The following RAB31 variants were observed in gnomAD, a reference collection of about 807,000 sequenced individuals.
The protein encoded by RAB31 is ras-related protein Rab-31.
In RAB31, 21 loss-of-function variants were observed where a neutral mutation model predicts 25.6. The ratio of observed to expected loss-of-function variants is 0.82; its 90% confidence interval spans 0.58 to 1.18. The LOEUF is 1.18. Among genes scored for constraint, RAB31 ranks in the 50% most tolerant of loss-of-function variants. The pLI, the probability that RAB31 is intolerant of heterozygous loss-of-function variation, is 0.00. For synonymous variants in RAB31, 87 were observed against 84.0 expected, an observed-to-expected ratio of 1.04 and a Z score of -0.20; for missense variants, 196 against 250.1, an observed-to-expected ratio of 0.78 and a Z score of 1.46.
chr18:9,816,305 A>G (rs2068598900), intron 5 of RAB31: 1 of 169,506 alleles, frequency 5.9e-6, no homozygotes. Flanking sequence ...GATCTGATGT[A>G]CCATACAATG....
intron 1 of RAB31, among the ~76,000 whole-genome samples, chr18:9,720,598 G>A (rs76184738): frequency 9.2e-4 from 140 of 152,190 alleles, no homozygotes; most frequent in African/African-American, 3.3e-3. Flanking sequence ...ACAGGGAGAA[G>A]GTTCCCCAAG....
At chr18:9,719,507 AGTTT>A (rs879247282) in intron 1 of RAB31, among the ~76,000 whole-genome samples, 2 of 151,212 alleles carry the variant, frequency 1.3e-5, no homozygotes, top group Admixed American at 6.6e-5. Flanking sequence ...TCTCCTCTTT[AGTTT>A]GTTTGTAATC....
intron 1 of RAB31, among the ~76,000 whole-genome samples, chr18:9,734,418 A>G (rs928992628): frequency 1.3e-5 from 2 of 152,222 alleles, no homozygotes; most frequent in Non-Finnish European, 2.9e-5. Flanking sequence ...GAACACGGAC[A>G]GGAAGCGTTA....
chr18:9,770,399 G>A (rs1288231532), intron 1 of RAB31, among the ~76,000 whole-genome samples: 1 of 152,204 alleles, frequency 6.6e-6, no homozygotes, highest in Admixed American at 6.5e-5. Flanking sequence ...CTAGCGTTTT[G>A]TGTGGCAGCA....
intron 3 of RAB31, among the ~76,000 whole-genome samples, chr18:9,801,356 A>G (rs1431153995): frequency 5.4e-5 from 8 of 149,508 alleles, no homozygotes; most frequent in Non-Finnish European, 5.9e-5. Context: ...ATCTTGGCTC[A>G]CTGCATCCTC....
At chr18:9,746,425 ATAC>A (rs997188161) in intron 1 of RAB31, among the ~76,000 whole-genome samples, 1 of 145,078 alleles carries the variant, frequency 6.9e-6, no homozygotes, top group African/African-American at 2.5e-5. Context: ...TGACTCTCAA[ATAC>A]ATACAGAATT....
At chr18:9,810,022 CAAAT>C (rs2068562727) in intron 3 of RAB31, among the ~76,000 whole-genome samples, 2 of 152,196 alleles carry the variant, frequency 1.3e-5, no homozygotes, top group African/African-American at 2.4e-5. Context: ...AATTAGAAAA[CAAAT>C]AATCACACAC....
intron 1 of RAB31, among the ~76,000 whole-genome samples, chr18:9,712,331 C>T (rs1053718369): frequency 9.2e-4 from 140 of 152,298 alleles, no homozygotes; most frequent in African/African-American, 3.3e-3. Context: ...GCCCAGCAAG[C>T]CTTTGTGAAC....
intron 1 of RAB31, among the ~76,000 whole-genome samples, chr18:9,731,767 T>C (rs1159011287): frequency 6.6e-6 from 1 of 152,046 alleles, no homozygotes; most frequent in East Asian, 1.9e-4. Flanking sequence ...AGCTGATTTT[T>C]GTATTTTTAG....
chr18:9,829,897 A>T (rs1002973295), intron 5 of RAB31, among the ~76,000 whole-genome samples: 3 of 152,126 alleles, frequency 2.0e-5, no homozygotes, highest in Admixed American at 1.3e-4. Flanking sequence ...GATTTAAAAA[A>T]ATATATACTT....
intron 2 of RAB31, among the ~76,000 whole-genome samples, chr18:9,782,132 A>G (rs990371345): frequency 1.3e-5 from 2 of 152,148 alleles, no homozygotes; most frequent in African/African-American, 4.8e-5. Flanking sequence ...CCCGCTAGGT[A>G]TTGTTACTAT....
chr18:9,794,209 G>A (rs2068475574), intron 3 of RAB31, among the ~76,000 whole-genome samples: 1 of 152,144 alleles, frequency 6.6e-6, no homozygotes, highest in Admixed American at 6.6e-5. Context: ...TTCAATTATT[G>A]ATCTGTTTAT....
rs954690295 is a variant in RAB31, at chr18:9,740,058, A to G, written c.39+31614A>G. ...ACCCTGGGGTGACGAGAGGAGCTCTATGATTCTAGTTAGACCAGCCTAATG... is the reference window on the plus strand; with the variant it reads ...ACCCTGGGGTGACGAGAGGAGCTCTGTGATTCTAGTTAGACCAGCCTAATG... On this transcript the variant is annotated intron_variant, in intron 1 of 6. Transcript: ENST00000578921. Among the ~76,000 whole-genome samples the G allele has an allele frequency of 3.2e-4, 49 of 152,222 alleles. 1 individual carries two copies. The highest frequency in any genetic ancestry group is 1.9e-4 in the African/African-American group (8 of 41,456).
At chr18:9,715,546 T>G (rs1405694351) in intron 1 of RAB31, among the ~76,000 whole-genome samples, 1 of 148,902 alleles carries the variant, frequency 6.7e-6, no homozygotes, top group Non-Finnish European at 1.5e-5. Flanking sequence ...TTTTTTTTTT[T>G]TGACATGGAG....
In RAB31 at chr18:9,775,312, G is replaced by A. The variant is rs775715224; in HGVS notation, c.74G>A (p.Arg25Gln). ...TGVGKSSIVCRFVQDHFDHNI... is the reference protein window; with the variant it reads ...TGVGKSSIVCQFVQDHFDHNI... Reference sequence around the variant, plus strand: ...GTTGGGAAATCAAGCATCGTGTGTCGATTTGTCCAGGATCACTTTGACCAC... The same window carrying A: ...GTTGGGAAATCAAGCATCGTGTGTCAATTTGTCCAGGATCACTTTGACCAC... Residue 25 changes from arginine to glutamine, a missense_variant, in exon 2 of 7, where the codon CGA (arginine) becomes CAA (glutamine). Coordinates refer to ENST00000578921, the MANE Select transcript of RAB31 (RefSeq NM_006868.4). 6.8e-6 allele frequency: 11 copies of A among 1,613,782 alleles called. No individual in the cohort carries two copies. In the Admixed American group the frequency reaches 1.0e-4, roughly 15 times the overall value.
At position 9,859,363 on chromosome 18, in the gene RAB31, A is replaced by G. The variant is rs748618494; in HGVS notation, c.*38A>G. ...GGTCCACGGTACTTGAAGAAGCCAG[A>G]GCCCACATCCTGTGCACTGCTGAAG... is the stretch of plus-strand genomic sequence containing the variant. On this transcript the variant is annotated 3_prime_UTR_variant, in exon 7 of 7. Coordinates refer to ENST00000578921, the MANE Select transcript of RAB31 (RefSeq NM_006868.4). 1.3e-6 allele frequency: 2 copies of G among 1,551,548 alleles called. No homozygotes were observed. Among genetic ancestry groups the G allele is most frequent in the Non-Finnish European group, 1.8e-6 (2 of 1,123,718 alleles).
intron 5 of RAB31, among the ~76,000 whole-genome samples, chr18:9,831,852 C>T (rs752470803): frequency 1.3e-5 from 2 of 152,166 alleles, no homozygotes; most frequent in Non-Finnish European, 2.9e-5. Context: ...GGTGGTGGGC[C>T]CTTGTTTGTG....
chr18:9,828,863 T>C (rs2068663144), intron 5 of RAB31, among the ~76,000 whole-genome samples: 1 of 152,196 alleles, frequency 6.6e-6, no homozygotes. Context: ...AAATGCACGA[T>C]GCGTTTTCCT....
chr18:9,798,251 T>C (rs2068496135), intron 3 of RAB31, among the ~76,000 whole-genome samples: 1 of 152,220 alleles, frequency 6.6e-6, no homozygotes, highest in Non-Finnish European at 1.5e-5. Flanking sequence ...TCACCTGATC[T>C]CCCCAGCCCT....
Sources: gnomAD v4.1 joint callset for allele counts (sites outside exome capture counted in the v4.1 genomes callset) on GRCh38, gnomAD v4.1.1 for gene constraint, MANE v1.5 for transcripts, NCBI Gene and HGNC (gene_info 2026-07-23, HGNC 2026-07-21) for gene names.